Variants in PALM2AKAP2 observed in about 807,000 individuals in gnomAD.
PALM2AKAP2 encodes the protein PALM2-AKAP2 fusion protein.
A neutral mutation model predicts 71.5 loss-of-function variants in PALM2AKAP2; 37 were observed. The ratio of observed to expected loss-of-function variants is 0.52; its 90% CI spans 0.40 to 0.68. The LOEUF is 0.68. Ranked by LOEUF, PALM2AKAP2 falls within the 30% of genes least tolerant of loss-of-function variation. PALM2AKAP2 has a pLI of 0.00. For missense variants in PALM2AKAP2, 1,224 were observed against 1,191.8 expected, an observed-to-expected ratio of 1.03 and a Z score of -0.40; for synonymous variants, 468 against 478.8, an observed-to-expected ratio of 0.98 and a Z score of 0.29.
intron 2 of PALM2AKAP2, among the ~76,000 whole-genome samples, chr9:110,145,366 G>C (rs1012173974): frequency 3.3e-5 from 5 of 152,156 alleles, no homozygotes; most frequent in African/African-American, 1.2e-4. Context: ...CTGCTCTTGT[G>C]AGTTCTTTTT....
chr9:110,063,500 C>T (rs1182311021), intron 1 of PALM2AKAP2, among the ~76,000 whole-genome samples: 1 of 150,902 alleles, frequency 6.6e-6, no homozygotes, highest in Non-Finnish European at 1.5e-5. Context: ...AGTGCAATGG[C>T]ACGATCTCAG....
At chr9:110,109,912 C>G (rs1353650370) in intron 1 of PALM2AKAP2, among the ~76,000 whole-genome samples, 1 of 152,002 alleles carries the variant, frequency 6.6e-6, no homozygotes, top group African/African-American at 2.4e-5. Context: ...GAAATGAGAT[C>G]AGTATGTTGG....
At chr9:109,858,880 A>G (rs1464921344) in intron 1 of PALM2AKAP2, among the ~76,000 whole-genome samples, 1 of 152,228 alleles carries the variant, frequency 6.6e-6, no homozygotes, top group Non-Finnish European at 1.5e-5. Flanking sequence ...ATGACCATCA[A>G]AGCAAAAGTA....
At chr9:109,976,528 G>A (rs1298220516) in intron 6 of PALM2AKAP2, among the ~76,000 whole-genome samples, 1 of 152,198 alleles carries the variant, frequency 6.6e-6, no homozygotes, top group African/African-American at 2.4e-5. Context: ...TGAAGGGTGA[G>A]TAGAAGATTG....
At chr9:110,038,945 A>C (rs536597219) in intron 7 of PALM2AKAP2, among the ~76,000 whole-genome samples, 16 of 151,464 alleles carry the variant, frequency 1.1e-4, no homozygotes, top group African/African-American at 3.9e-4. Flanking sequence ...CAAAAAAAAA[A>C]AAAAAAATTA....
At chr9:109,701,163 G>T (rs138981549) in intron 1 of PALM2AKAP2, among the ~76,000 whole-genome samples, 1 of 151,996 alleles carries the variant, frequency 6.6e-6, no homozygotes. Context: ...AAATCCTTGG[G>T]CATGCCAAGG....
At chr9:109,926,934 T>C (rs1241189108) in intron 5 of PALM2AKAP2, among the ~76,000 whole-genome samples, 1 of 152,206 alleles carries the variant, frequency 6.6e-6, no homozygotes. Context: ...TTTTCACTTA[T>C]CCACCTAAGC....
At chr9:109,903,687 C>T (rs1215707485) in intron 3 of PALM2AKAP2, among the ~76,000 whole-genome samples, 2 of 152,170 alleles carry the variant, frequency 1.3e-5, no homozygotes, top group East Asian at 3.8e-4. Flanking sequence ...TAAATTCCCA[C>T]ATGTGCTACC....
intron 1 of PALM2AKAP2, among the ~76,000 whole-genome samples, chr9:110,085,405 C>A (rs1464955010): frequency 6.6e-6 from 1 of 152,210 alleles, no homozygotes; most frequent in African/African-American, 2.4e-5. Flanking sequence ...TAGCAGTCAA[C>A]TAAGCAAGAC....
intron 6 of PALM2AKAP2, among the ~76,000 whole-genome samples, chr9:109,969,572 A>G (rs1227852956): frequency 6.6e-6 from 1 of 152,234 alleles, no homozygotes; most frequent in Non-Finnish European, 1.5e-5. Context: ...TGCAAAGGTG[A>G]CATGCTCATC....
chr9:109,760,794 A>C (rs1261416685), intron 1 of PALM2AKAP2, among the ~76,000 whole-genome samples: 1 of 152,226 alleles, frequency 6.6e-6, no homozygotes, highest in Non-Finnish European at 1.5e-5. Context: ...TCAGATCCTT[A>C]GAGTACAAAT....
At chr9:109,900,633 C>A (rs1037151314) in intron 3 of PALM2AKAP2, among the ~76,000 whole-genome samples, 1 of 152,154 alleles carries the variant, frequency 6.6e-6, no homozygotes, top group Non-Finnish European at 1.5e-5. Context: ...ATTAGAGATA[C>A]AGAGATGAAA....
chr9:109,835,764 A>G (rs766662019), intron 1 of PALM2AKAP2, among the ~76,000 whole-genome samples: 1 of 152,198 alleles, frequency 6.6e-6, no homozygotes, highest in Non-Finnish European at 1.5e-5. Flanking sequence ...TACCACGCCC[A>G]TGGAGCCTTG....
At chr9:109,879,393 C>T (rs759490527) in intron 2 of PALM2AKAP2, among the ~76,000 whole-genome samples, 22 of 152,316 alleles carry the variant, frequency 1.4e-4, no homozygotes, top group Admixed American at 4.6e-4. Context: ...TCACTGTGGT[C>T]CCCTCTGGTG....
intron 1 of PALM2AKAP2, among the ~76,000 whole-genome samples, chr9:110,062,153 A>G (rs1331351542): frequency 6.6e-6 from 1 of 152,160 alleles, no homozygotes; most frequent in Non-Finnish European, 1.5e-5. Context: ...TACATAGGTA[A>G]ACGTGTGCCA....
chr9:109,697,680 T>A (rs1189080830), intron 1 of PALM2AKAP2, among the ~76,000 whole-genome samples: 1 of 152,248 alleles, frequency 6.6e-6, no homozygotes, highest in Non-Finnish European at 1.5e-5. Flanking sequence ...TGAAAAAGTA[T>A]GTTTTTGAAG....
At chr9:109,774,105 G>C (rs567636411) in intron 1 of PALM2AKAP2, among the ~76,000 whole-genome samples, 6 of 152,120 alleles carry the variant, frequency 3.9e-5, no homozygotes, top group Non-Finnish European at 8.8e-5. Context: ...GAATGTACAC[G>C]GCATTATTGA....
intron 6 of PALM2AKAP2, among the ~76,000 whole-genome samples, chr9:110,012,184 T>C (rs1832896985): frequency 2.0e-5 from 3 of 151,992 alleles, no homozygotes; most frequent in South Asian, 2.1e-4. Flanking sequence ...TCCCAGCTAC[T>C]TGGGAGGCTG....
intron 3 of PALM2AKAP2, among the ~76,000 whole-genome samples, chr9:109,919,600 C>G (rs1333005507): frequency 6.6e-6 from 1 of 151,576 alleles, no homozygotes; most frequent in African/African-American, 2.4e-5. Context: ...AATCGTTTAG[C>G]TTTGGGTATT....
Sources: allele counts gnomAD v4.1 joint callset (sites outside exome capture counted in the v4.1 genomes callset), GRCh38; gene constraint gnomAD v4.1.1; transcripts MANE v1.5; gene names NCBI Gene and HGNC (gene_info 2026-07-23, HGNC 2026-07-21).